Variants in FMNL2 observed in about 807,000 individuals in gnomAD.
The protein encoded by FMNL2 is formin-like protein 2.
Under a neutral mutation model 130.2 loss-of-function variants are expected in FMNL2, and 51 were observed. The ratio of observed to expected loss-of-function variants is 0.39; its 90% CI spans 0.31 to 0.49. FMNL2 has a LOEUF of 0.49. FMNL2 is among the 20% of genes least tolerant of loss of function. The probability of loss-of-function intolerance (pLI) is 0.85; values close to 1 mark genes in which losing one functional copy is unlikely to be tolerated. For missense variants in FMNL2, 977 were observed against 1,316.2 expected, an observed-to-expected ratio of 0.74 and a Z score of 3.99; for synonymous variants, 465 against 467.1, an observed-to-expected ratio of 1.00 and a Z score of 0.06.
At chr2:152,553,689 G>A (rs796972569) in intron 4 of FMNL2, among the ~76,000 whole-genome samples, 12 of 150,946 alleles carry the variant, frequency 7.9e-5, no homozygotes, top group African/African-American at 2.2e-4. Flanking sequence ...TTAATAAAAT[G>A]TAATATTTAA....
intron 5 of FMNL2, among the ~76,000 whole-genome samples, chr2:152,559,965 G>C (rs767513957): frequency 1.3e-5 from 2 of 152,148 alleles, no homozygotes; most frequent in African/African-American, 2.4e-5. Flanking sequence ...ATTTTCAGAT[G>C]AAGGTTCTAA....
intron 25 of FMNL2, 23 bp downstream of exon 25, chr2:152,640,937 G>T: frequency 6.2e-7 from 1 of 1,612,598 alleles, no homozygotes; most frequent in Non-Finnish European, 8.5e-7. Flanking sequence ...TCTTCACTGT[G>T]GCCCATGGAG....
chr2:152,636,551 G>A lies in FMNL2; in HGVS notation c.2805G>A (p.Gly935=). 6.4e-7 allele frequency: 1 copy of A among 1,574,296 alleles called. No homozygotes were observed. The highest frequency in any genetic ancestry group is 8.6e-7 in the Non-Finnish European group (1 of 1,158,958). ...LLKEFILNNE[G]KLKKLQDDAK... is the part of the protein sequence containing the mutation. ...AGGAGTTCATCCTCAACAATGAGGG[G>A]AAGCTGAAGAAGCTGCAGGATGATG... is the stretch of plus-strand genomic sequence containing the variant. Residue 935 remains glycine, a synonymous_variant, in exon 22 of 26, where the codon GGG becomes GGA. Transcript: ENST00000288670.
At chr2:152,575,582 ATTC>A (rs1558976523) in intron 7 of FMNL2, among the ~76,000 whole-genome samples, 1 of 152,194 alleles carries the variant, frequency 6.6e-6, no homozygotes, top group Non-Finnish European at 1.5e-5. Context: ...TCAAGGTTTA[ATTC>A]TTTGCTCTCA....
Position 152,542,943 on chromosome 2 carries a change from A to G in FMNL2, c.282+124A>G, listed in dbSNP as rs1417992628. On this transcript the variant is annotated intron_variant, in intron 3 of 25. Coordinates refer to ENST00000288670, the MANE Select transcript of FMNL2 (RefSeq NM_052905.4). ...TCTGCCAGAGCCTCCACAAAAAACA[A>G]CCTTGGGAGACCAACAACGTAAGAA... 4.3e-6 allele frequency: 4 copies of G among 937,082 alleles called. No homozygotes were observed. In the African/African-American group the frequency reaches 6.7e-5, roughly 16 times the overall value. The allele number at this position is 937,082 out of a possible 1,614,324, so 58.0% of individuals were successfully genotyped here. A position where few individuals can be genotyped will look rare whatever the true frequency, so the allele number is the denominator to read the frequency against.
At chr2:152,541,416 T>C (rs1367099398) in intron 2 of FMNL2, among the ~76,000 whole-genome samples, 1 of 152,196 alleles carries the variant, frequency 6.6e-6, no homozygotes, top group African/African-American at 2.4e-5. Flanking sequence ...TTAGAGCTGA[T>C]TTAAACTTTT....
intron 1 of FMNL2, among the ~76,000 whole-genome samples, chr2:152,387,392 C>A (rs1370479995): frequency 6.6e-6 from 1 of 152,112 alleles, no homozygotes; most frequent in African/African-American, 2.4e-5. Flanking sequence ...GATTTAATTG[C>A]CTGCTGACTT....
At chr2:152,583,437 C>T (rs1225567456) in intron 9 of FMNL2, among the ~76,000 whole-genome samples, 4 of 152,136 alleles carry the variant, frequency 2.6e-5, no homozygotes, top group Non-Finnish European at 5.9e-5. Context: ...GCAAAAAGTA[C>T]ACACTCAAGA....
At chr2:152,632,167 T>C in intron 21 of FMNL2, 30 bp downstream of exon 21, 1 of 1,599,732 alleles carries the variant, frequency 6.3e-7, no homozygotes, top group Non-Finnish European at 8.5e-7. Flanking sequence ...ACCGTTCGTC[T>C]TGGGTATTTA....
chr2:152,622,530 A>G (rs1374091178), intron 15 of FMNL2: 1 of 456,702 alleles, frequency 2.2e-6, no homozygotes. Flanking sequence ...TTCTGCTTCC[A>G]CAAAAGATGG....
intron 1 of FMNL2, among the ~76,000 whole-genome samples, chr2:152,453,287 C>G (rs1350379678): frequency 6.6e-6 from 1 of 152,124 alleles, no homozygotes; most frequent in Non-Finnish European, 1.5e-5. Context: ...ATTCTGGGCC[C>G]TGACTGACCC....
chr2:152,460,270 A>T (rs1306432745), intron 1 of FMNL2, among the ~76,000 whole-genome samples: 7 of 152,150 alleles, frequency 4.6e-5, no homozygotes, highest in African/African-American at 1.4e-4. Context: ...AAATTGAAAT[A>T]TTGGTAATTA....
At chr2:152,466,412 G>A (rs1183836920) in intron 1 of FMNL2, among the ~76,000 whole-genome samples, 1 of 152,170 alleles carries the variant, frequency 6.6e-6, no homozygotes, top group Non-Finnish European at 1.5e-5. Flanking sequence ...TTCTTAAACT[G>A]AGCTAACTTC....
At chr2:152,354,916 C>G (rs900906512) in intron 1 of FMNL2, among the ~76,000 whole-genome samples, 2 of 152,116 alleles carry the variant, frequency 1.3e-5, no homozygotes, top group East Asian at 1.9e-4. Context: ...ATCAAATAGC[C>G]TTAATTTTTG....
chr2:152,619,120 C>T lies in FMNL2; in HGVS notation c.1589C>T (p.Pro530Leu), dbSNP rs1699101825. The T allele has an allele frequency of 6.3e-7, 1 of 1,597,154 alleles. No individual in the cohort carries two copies. Among genetic ancestry groups the T allele is most frequent in the Non-Finnish European group, 8.5e-7 (1 of 1,170,386 alleles). The stretch of plus-strand genomic sequence containing the variant: ...TCCTCAGGACCCTTGCCCCCTCCTC[C>T]ACCACCACTGCCTCCCTCATCAGAC... ...AASSGPLPPPPPPLPPSSDTP... is the reference protein window; with the variant it reads ...AASSGPLPPPLPPLPPSSDTP... Residue 530 changes from proline (P) to leucine (L), a missense_variant, in exon 14 of 26, where the codon CCA (proline) becomes CTA (leucine). By Grantham distance (98) the Pro-to-Leu change is moderately conservative. Around this residue, in one of 4 missense-constraint regions of FMNL2, gnomAD observed 689 missense variants for 995.9 expected, o/e 0.69. Coordinates refer to ENST00000288670, the MANE Select transcript of FMNL2 (RefSeq NM_052905.4).
chr2:152,594,215 T>G (rs1697633887), intron 9 of FMNL2, among the ~76,000 whole-genome samples: 1 of 152,236 alleles, frequency 6.6e-6, no homozygotes, highest in Non-Finnish European at 1.5e-5. Flanking sequence ...TAAAACTTTG[T>G]GTACACATGC....
At chr2:152,550,717 A>T (rs777830204) in intron 4 of FMNL2, among the ~76,000 whole-genome samples, 1 of 152,212 alleles carries the variant, frequency 6.6e-6, no homozygotes, top group Non-Finnish European at 1.5e-5. Flanking sequence ...CAGCACATTT[A>T]AATACTTTCT....
At chr2:152,533,311 A>G (rs1307784393) in intron 2 of FMNL2, among the ~76,000 whole-genome samples, 2 of 152,068 alleles carry the variant, frequency 1.3e-5, no homozygotes, top group East Asian at 1.9e-4. Flanking sequence ...CCATCCATCC[A>G]TGTATGCTTC....
intron 2 of FMNL2, among the ~76,000 whole-genome samples, chr2:152,530,915 C>T (rs1693652337): frequency 6.6e-6 from 1 of 152,106 alleles, no homozygotes; most frequent in African/African-American, 2.4e-5. Context: ...TACAGCAAGA[C>T]TGGAGGAAAA....
Sources: allele counts gnomAD v4.1 joint callset (sites outside exome capture counted in the v4.1 genomes callset), GRCh38; gene constraint gnomAD v4.1.1; regional missense constraint gnomAD v4.1.1; transcripts MANE v1.5; gene names NCBI Gene and HGNC (gene_info 2026-07-23, HGNC 2026-07-21).